The following DEPDC5 variants were observed in gnomAD, a reference collection of about 807,000 sequenced individuals.
DEPDC5 encodes DEP domain containing 5, GATOR1 subcomplex subunit.
DEPDC5 carries 73 observed loss-of-function variants against 217.3 expected under a neutral mutation model. The observed-to-expected ratio is 0.34, with a 90% CI of 0.28 to 0.41. The LOEUF is 0.41. Ranked by LOEUF, DEPDC5 falls within the 10% of genes least tolerant of loss-of-function variation. The probability of loss-of-function intolerance (pLI) is 1.00; values close to 1 mark genes in which losing one functional copy is unlikely to be tolerated. For missense variants in DEPDC5, 1,675 were observed against 2,070.1 expected, an observed-to-expected ratio of 0.81 and a Z score of 3.70; for synonymous variants, 733 against 756.7, an observed-to-expected ratio of 0.97 and a Z score of 0.51.
At chr22:31,889,980 G>C (rs1038947115) in intron 38 of DEPDC5, among the ~76,000 whole-genome samples, 2 of 152,156 alleles carry the variant, frequency 1.3e-5, no homozygotes, top group African/African-American at 4.8e-5. Context: ...CAGTGTCCAT[G>C]GGCGGCACAG....
At chr22:31,783,436 G>A (rs1052606808) in intron 8 of DEPDC5, among the ~76,000 whole-genome samples, 1 of 152,130 alleles carries the variant, frequency 6.6e-6, no homozygotes, top group Non-Finnish European at 1.5e-5. Flanking sequence ...CACGGTGTGA[G>A]GATTGCTTGA....
At chr22:31,807,014 GA>G (rs1477386004) in intron 18 of DEPDC5, among the ~76,000 whole-genome samples, 1 of 152,120 alleles carries the variant, frequency 6.6e-6, no homozygotes, top group Non-Finnish European at 1.5e-5. Flanking sequence ...CTTGTCTCTG[GA>G]AACAAACAAA....
At chr22:31,754,786 C>T in intron 1 of DEPDC5, 76 bp from the exon 2 acceptor site, 1 of 951,934 alleles carries the variant, frequency 1.1e-6, no homozygotes, top group South Asian at 1.5e-5. Context: ...CCAGTATCTT[C>T]ACTGGCCTAA....
intron 25 of DEPDC5, 23 bp from the exon 26 acceptor site, chr22:31,836,949 T>C (rs2091048631): frequency 6.2e-7 from 1 of 1,607,482 alleles, no homozygotes; most frequent in African/African-American, 1.3e-5. Flanking sequence ...ACATGTACCT[T>C]TTCCCCCTGT....
At chr22:31,766,549 G>A in intron 5 of DEPDC5, 36 bp from the exon 6 acceptor site, 2 of 1,600,954 alleles carry the variant, frequency 1.2e-6, no homozygotes, top group Non-Finnish European at 1.7e-6. Flanking sequence ...GTGTGGCAAA[G>A]TAATGTCAGA....
chr22:31,794,490 A>G (rs576357758), intron 12 of DEPDC5, among the ~76,000 whole-genome samples: 1 of 152,348 alleles, frequency 6.6e-6, no homozygotes, highest in Admixed American at 6.5e-5. Context: ...TTAATATATG[A>G]AAGTTTATGT....
At chr22:31,847,015 A>C (rs1261679200) in intron 31 of DEPDC5, 48 bp downstream of exon 31, 5 of 1,612,596 alleles carry the variant, frequency 3.1e-6, no homozygotes, top group Non-Finnish European at 3.4e-6. Flanking sequence ...GACAGCCCTG[A>C]GGGTTTTCAG....
intron 15 of DEPDC5, 133 bp from the exon 16 acceptor site, chr22:31,804,029 A>G (rs2087185172): frequency 1.3e-6 from 1 of 764,156 alleles, no homozygotes; most frequent in Admixed American, 2.4e-5. Flanking sequence ...GATAGGCAGC[A>G]CTATGAGGTT....
intron 23 of DEPDC5, 58 bp from the exon 24 acceptor site, chr22:31,822,635 C>A: frequency 6.5e-7 from 1 of 1,548,660 alleles, no homozygotes; most frequent in Non-Finnish European, 8.9e-7. Context: ...TATAGGTGAG[C>A]AGGAAAAAGA....
chr22:31,874,699 T>C (rs1193597402), intron 36 of DEPDC5, among the ~76,000 whole-genome samples: 1 of 152,184 alleles, frequency 6.6e-6, no homozygotes, highest in Non-Finnish European at 1.5e-5. Flanking sequence ...GGGAATGCCC[T>C]CCCTCTGACC....
At position 31,897,607 on chromosome 22, in the gene DEPDC5, C is replaced by T. The variant is rs373073533; in HGVS notation, c.4329C>T (p.Leu1443=). The part of the protein sequence containing the change: ...DPLRAQLFIP[L]NISCLLKEGS... Reference sequence around the variant, plus strand: ...TTCGTGCCCAGCTCTTCATCCCACTCAACATCAGCTGCTTGCTCAAGGAGG... The same window carrying T: ...TTCGTGCCCAGCTCTTCATCCCACTTAACATCAGCTGCTTGCTCAAGGAGG... Residue 1443 remains leucine (L), a synonymous_variant, in exon 40 of 43, where the codon CTC becomes CTT. Transcript: ENST00000651528. 7 of 1,614,008 alleles carry T rather than the reference C, an allele frequency of 4.3e-6. No homozygotes were observed. In the African/African-American group the frequency reaches 9.3e-5, roughly 22 times the overall value.
intron 29 of DEPDC5, 24 bp from the exon 30 acceptor site, chr22:31,844,994 C>T (rs368510531): frequency 1.2e-6 from 2 of 1,612,576 alleles, no homozygotes; most frequent in Non-Finnish European, 1.7e-6. Context: ...TCACCACCAC[C>T]CTGTGTTTTC....
At chr22:31,842,141 A>G (rs563272408) in intron 27 of DEPDC5, among the ~76,000 whole-genome samples, 1 of 152,246 alleles carries the variant, frequency 6.6e-6, no homozygotes, top group Non-Finnish European at 1.5e-5. Flanking sequence ...GGGGTGACAG[A>G]TATACGCACA....
chr22:31,760,432 C>G (rs1289761815), intron 3 of DEPDC5, among the ~76,000 whole-genome samples: 1 of 152,134 alleles, frequency 6.6e-6, no homozygotes, highest in Non-Finnish European at 1.5e-5. Flanking sequence ...TCTCGATCTC[C>G]TGACCTCGTG....
intron 18 of DEPDC5, among the ~76,000 whole-genome samples, chr22:31,809,320 G>T (rs1201566431): frequency 6.6e-6 from 1 of 152,150 alleles, no homozygotes; most frequent in African/African-American, 2.4e-5. Flanking sequence ...TTGAATTTTG[G>T]CTCTGCCACC....
At chr22:31,885,697 C>A (rs193115945) in intron 38 of DEPDC5, among the ~76,000 whole-genome samples, 1 of 148,164 alleles carries the variant, frequency 6.7e-6, no homozygotes, top group East Asian at 2.0e-4. Context: ...TGCACTCCAG[C>A]CTGGGCAACA....
chr22:31,820,780 C>T (rs1046199689), intron 22 of DEPDC5, among the ~76,000 whole-genome samples: 5 of 152,180 alleles, frequency 3.3e-5, no homozygotes, highest in East Asian at 1.9e-4. Flanking sequence ...CAGTTTGCTT[C>T]GCTTCTTCCT....
At chr22:31,788,414 A>G (rs551390073) in intron 10 of DEPDC5, among the ~76,000 whole-genome samples, 1 of 151,218 alleles carries the variant, frequency 6.6e-6, no homozygotes, top group South Asian at 2.1e-4. Flanking sequence ...AGCTAGGACT[A>G]CAGGCATGTG....
chr22:31,845,301 A>G (rs1037914009), intron 30 of DEPDC5, 64 bp downstream of exon 30: 29 of 1,543,944 alleles, frequency 1.9e-5, no homozygotes, highest in Non-Finnish European at 2.4e-5. Context: ...CACCTCCTCT[A>G]TTAGGGGCCT....
Sources: gnomAD v4.1 joint callset for allele counts (sites outside exome capture counted in the v4.1 genomes callset) on GRCh38, gnomAD v4.1.1 for gene constraint, MANE v1.5 for transcripts, NCBI Gene and HGNC (gene_info 2026-07-23, HGNC 2026-07-21) for gene names.